FABP6: variants seen among roughly 807,000 people sequenced by gnomAD.
FABP6 encodes the protein fatty acid binding protein 6, also known as gastrotropin.
Under a neutral mutation model 14.9 loss-of-function variants are expected in FABP6, and 13 were observed. The ratio of observed to expected loss-of-function variants is 0.87; its 90% confidence interval spans 0.57 to 1.39. FABP6 has a LOEUF of 1.39. Among genes scored for constraint, FABP6 ranks in the 40% most tolerant of loss-of-function variants. The pLI, the probability that FABP6 is intolerant of heterozygous loss-of-function variation, is 0.00. For synonymous variants in FABP6, 75 were observed against 63.6 expected (o/e 1.18, Z -0.85); for missense variants, 161 against 167.2 (o/e 0.96, Z 0.20).
At chr5:160,195,410 C>G (rs1759490108) in intron 1 of FABP6, among the ~76,000 whole-genome samples, 1 of 152,098 alleles carries the variant, frequency 6.6e-6, no homozygotes, top group African/African-American at 2.4e-5. Flanking sequence ...GGACTGGCCA[C>G]TGCCTCATTC....
chr5:160,195,375 C>G (rs555009417), intron 1 of FABP6, among the ~76,000 whole-genome samples: 59 of 152,056 alleles, frequency 3.9e-4, no homozygotes, highest in African/African-American at 1.3e-3. Flanking sequence ...TGGTCACAGC[C>G]CGTTCTTAGT....
At chr5:160,213,665 A>G in intron 2 of FABP6, 1 of 1,315,380 alleles carries the variant, frequency 7.6e-7, no homozygotes, top group Non-Finnish European at 1.1e-6. Context: ...CTCCCTGCAC[A>G]GAGCTGATTG....
chr5:160,198,850 T>C, intron 1 of FABP6: 1 of 526,858 alleles, frequency 1.9e-6, no homozygotes, highest in South Asian at 2.4e-5. Flanking sequence ...CATCATCCTG[T>C]TGTTCTTTAC....
intron 3 of FABP6, among the ~76,000 whole-genome samples, chr5:160,220,597 A>G (rs535563159): frequency 2.6e-5 from 4 of 151,760 alleles, no homozygotes; most frequent in Admixed American, 2.6e-4. Flanking sequence ...ACCCTGCCTA[A>G]TAATAATAAT....
intron 3 of FABP6, among the ~76,000 whole-genome samples, chr5:160,237,152 G>A (rs1311679399): frequency 6.6e-6 from 1 of 152,144 alleles, no homozygotes; most frequent in East Asian, 1.9e-4. Context: ...GTAACTCCCA[G>A]AAGAAGCAAA....
At chr5:160,207,628 T>C (rs1397243764) in intron 2 of FABP6, among the ~76,000 whole-genome samples, 1 of 152,216 alleles carries the variant, frequency 6.6e-6, no homozygotes, top group Admixed American at 6.5e-5. Flanking sequence ...TATGTATATT[T>C]ATATGTGTAT....
chr5:160,228,229 T>A (rs1760293485), upstream of FABP6, among the ~76,000 whole-genome samples: 1 of 151,936 alleles, frequency 6.6e-6, no homozygotes, highest in Non-Finnish European at 1.5e-5. Flanking sequence ...CCGTCTCTAC[T>A]AAAAATACAA....
At chr5:160,217,163 A>C (rs1456208717) in intron 3 of FABP6, among the ~76,000 whole-genome samples, 2 of 152,164 alleles carry the variant, frequency 1.3e-5, no homozygotes, top group African/African-American at 4.8e-5. Context: ...ATTTTCCATC[A>C]ACTGAGATGC....
chr5:160,220,749 A>G (rs1469801240), intron 3 of FABP6, among the ~76,000 whole-genome samples: 1 of 151,942 alleles, frequency 6.6e-6, no homozygotes, highest in African/African-American at 2.4e-5. Flanking sequence ...TTCTTTGATC[A>G]CATCATGTTG....
chr5:160,237,222 T>C (rs905369303), intron 3 of FABP6, among the ~76,000 whole-genome samples: 27 of 152,148 alleles, frequency 1.8e-4, no homozygotes, highest in Non-Finnish European at 3.1e-4. Flanking sequence ...GAAGCAGGTT[T>C]GGGCCTGACA....
intron 3 of FABP6, chr5:160,213,924 A>T (rs2113107646): frequency 2.2e-6 from 2 of 890,888 alleles, no homozygotes; most frequent in Non-Finnish European, 3.7e-6. Flanking sequence ...GCTCCTTGAG[A>T]TCCTTCTGCA....
At chr5:160,236,856 C>T (rs1392645831) in intron 3 of FABP6, among the ~76,000 whole-genome samples, 3 of 151,728 alleles carry the variant, frequency 2.0e-5, no homozygotes, top group Admixed American at 6.6e-5. Flanking sequence ...GTGGTGCACA[C>T]CTGTAATCCC....
At chr5:160,233,859 G>A (rs1304955356) in intron 2 of FABP6, among the ~76,000 whole-genome samples, 3 of 147,324 alleles carry the variant, frequency 2.0e-5, no homozygotes, top group South Asian at 2.3e-4. Flanking sequence ...GCAACAGGGC[G>A]AGGCTCCGTC....
At chr5:160,202,234 T>C (rs11959920) in intron 2 of FABP6, among the ~76,000 whole-genome samples, 82,368 of 152,034 alleles carry the variant, frequency 0.54, 22,904 homozygotes, top group Non-Finnish European at 0.6. Flanking sequence ...GAAGGAGAAG[T>C]GGCATGGCAG....
chr5:160,215,391 T>C (rs1234325192), intron 3 of FABP6, among the ~76,000 whole-genome samples: 6 of 152,066 alleles, frequency 3.9e-5, no homozygotes, highest in African/African-American at 1.4e-4. Context: ...CAGGTGCCTG[T>C]AATCCCAGCT....
chr5:160,194,503 T>C (rs1248495226), intron 1 of FABP6, among the ~76,000 whole-genome samples: 1 of 151,760 alleles, frequency 6.6e-6, no homozygotes, highest in Non-Finnish European at 1.5e-5. Flanking sequence ...ATTGCACCAT[T>C]GCACTCCAGC....
At chr5:160,224,326 A>T (rs1279519073) in intron 3 of FABP6, among the ~76,000 whole-genome samples, 1 of 152,084 alleles carries the variant, frequency 6.6e-6, no homozygotes, top group East Asian at 1.9e-4. Context: ...CGTGAGCCTG[A>T]GGTGGAGGAT....
intron 2 of FABP6, among the ~76,000 whole-genome samples, chr5:160,200,211 C>T (rs1337115775): frequency 6.6e-6 from 1 of 152,192 alleles, no homozygotes; most frequent in Non-Finnish European, 1.5e-5. Flanking sequence ...ACACATGCAA[C>T]ATGCTTAGCA....
intron 3 of FABP6, among the ~76,000 whole-genome samples, chr5:160,217,420 G>A (rs1738925241): frequency 6.6e-6 from 1 of 152,134 alleles, no homozygotes; most frequent in Admixed American, 6.5e-5. Context: ...CTGAATGCTA[G>A]TACATCTGAC....
Sources: gnomAD v4.1 joint callset for allele counts (sites outside exome capture counted in the v4.1 genomes callset) on GRCh38, gnomAD v4.1.1 for gene constraint, MANE v1.5 for transcripts, NCBI Gene and HGNC (gene_info 2026-07-23, HGNC 2026-07-21) for gene names.